HS6ST1: variants seen among roughly 807,000 people sequenced by gnomAD.
HS6ST1 encodes heparan sulfate 6-O-sulfotransferase 1.
HS6ST1 carries 3 observed loss-of-function variants against 25.2 expected under a neutral mutation model. That is an observed-to-expected ratio of 0.12 (90% CI 0.05 to 0.31). HS6ST1 has a LOEUF of 0.31. HS6ST1 is among the 10% of genes least tolerant of loss of function. HS6ST1 has a pLI of 1.00. For synonymous variants in HS6ST1, 204 were observed against 275.1 expected (o/e 0.74, Z 2.56); for missense variants, 310 against 609.6 (o/e 0.51, Z 5.18).
intron 1 of HS6ST1, among the ~76,000 whole-genome samples, chr2:128,273,100 C>T (rs1038560779): frequency 6.6e-6 from 1 of 152,234 alleles, no homozygotes; most frequent in Non-Finnish European, 1.5e-5. Flanking sequence ...TGGGGAACCA[C>T]ACCAGGGAGG....
chr2:128,303,130 C>T (rs965241676), intron 1 of HS6ST1, among the ~76,000 whole-genome samples: 5 of 152,262 alleles, frequency 3.3e-5, no homozygotes, highest in African/African-American at 4.8e-5. Context: ...GCCTGCCCCA[C>T]CCCTGATGCC....
intron 1 of HS6ST1, among the ~76,000 whole-genome samples, chr2:128,293,926 T>C (rs1373134451): frequency 1.3e-5 from 2 of 152,174 alleles, no homozygotes; most frequent in Admixed American, 6.5e-5. Context: ...CCAGTCCTGC[T>C]GAACATCCCA....
chr2:128,316,159 T>C (rs1432223292), intron 1 of HS6ST1, among the ~76,000 whole-genome samples: 1 of 152,208 alleles, frequency 6.6e-6, no homozygotes, highest in Admixed American at 6.5e-5. Flanking sequence ...CCCACTCTCA[T>C]GGACAAACTC....
chr2:128,317,476 G>T (rs919152633), intron 1 of HS6ST1, among the ~76,000 whole-genome samples: 1 of 152,214 alleles, frequency 6.6e-6, no homozygotes, highest in Non-Finnish European at 1.5e-5. Flanking sequence ...CAGGTCAACA[G>T]GGCCTTTGTT....
At chr2:128,271,878 G>A (rs946179148) in intron 1 of HS6ST1, among the ~76,000 whole-genome samples, 85 of 152,220 alleles carry the variant, frequency 5.6e-4, no homozygotes, top group Non-Finnish European at 1.1e-3. Flanking sequence ...AGCTCGAGCG[G>A]CTGCCACTAG....
chr2:128,305,094 T>G (rs1388755007), intron 1 of HS6ST1, among the ~76,000 whole-genome samples: 2 of 152,244 alleles, frequency 1.3e-5, no homozygotes, highest in African/African-American at 4.8e-5. Context: ...TTTGCTGGCC[T>G]GACCCATTGC....
intron 1 of HS6ST1, among the ~76,000 whole-genome samples, chr2:128,307,846 C>T (rs572917246): frequency 6.6e-6 from 1 of 152,268 alleles, no homozygotes; most frequent in South Asian, 2.1e-4. Context: ...ACATAGGGAC[C>T]ATGAGCGAGC....
chr2:128,311,423 C>G (rs1282935877), intron 1 of HS6ST1, among the ~76,000 whole-genome samples: 1 of 152,166 alleles, frequency 6.6e-6, no homozygotes, highest in African/African-American at 2.4e-5. Context: ...CAGTGGGGCT[C>G]CCATCTGACT....
chr2:128,287,339 C>T (rs1207561170), intron 1 of HS6ST1, among the ~76,000 whole-genome samples: 3 of 152,184 alleles, frequency 2.0e-5, no homozygotes, highest in Admixed American at 1.3e-4. Flanking sequence ...GATGCACTGC[C>T]CAGCTGTGGG....
chr2:128,309,899 C>T (rs1694262731), intron 1 of HS6ST1, among the ~76,000 whole-genome samples: 1 of 152,222 alleles, frequency 6.6e-6, no homozygotes, highest in African/African-American at 2.4e-5. Context: ...GGCCATGGCT[C>T]CCATAAGACA....
chr2:128,272,345 C>T (rs74702952), intron 1 of HS6ST1, among the ~76,000 whole-genome samples: 2,573 of 152,352 alleles, frequency 0.017, 58 homozygotes, highest in African/African-American at 0.052. Context: ...GACCTCTCCA[C>T]CTTTAAGACC....
intron 1 of HS6ST1, among the ~76,000 whole-genome samples, chr2:128,305,322 T>C (rs111562068): frequency 6.6e-6 from 1 of 152,220 alleles, no homozygotes; most frequent in Non-Finnish European, 1.5e-5. Flanking sequence ...GGCTTCCCGA[T>C]GGGCCTGCTT....
intron 1 of HS6ST1, among the ~76,000 whole-genome samples, chr2:128,308,375 A>G (rs1397819789): frequency 2.0e-5 from 3 of 152,202 alleles, no homozygotes; most frequent in Non-Finnish European, 4.4e-5. Context: ...GAACCACTGC[A>G]TCCGAGGAAC....
At chr2:128,294,004 T>G (rs1430953025) in intron 1 of HS6ST1, among the ~76,000 whole-genome samples, 1 of 152,142 alleles carries the variant, frequency 6.6e-6, no homozygotes, top group Non-Finnish European at 1.5e-5. Flanking sequence ...AGGGGCACCA[T>G]GTGGGTCCCG....
intron 1 of HS6ST1, among the ~76,000 whole-genome samples, chr2:128,311,774 C>T (rs1240232219): frequency 6.6e-6 from 1 of 152,110 alleles, no homozygotes; most frequent in Admixed American, 6.5e-5. Context: ...CCCACCTGCA[C>T]CCACACAGGC....
chr2:128,280,520 C>T (rs1464312232), intron 1 of HS6ST1, among the ~76,000 whole-genome samples: 1 of 152,236 alleles, frequency 6.6e-6, no homozygotes, highest in Non-Finnish European at 1.5e-5. Context: ...TGCCGCAGCA[C>T]CAGGCCTGGC....
At chr2:128,310,460 C>G (rs1694273446) in intron 1 of HS6ST1, among the ~76,000 whole-genome samples, 1 of 152,368 alleles carries the variant, frequency 6.6e-6, no homozygotes, top group African/African-American at 2.4e-5. Flanking sequence ...AGGCCACAAG[C>G]TGGTGGGGAC....
chr2:128,282,515 T>A (rs989954934), intron 1 of HS6ST1, among the ~76,000 whole-genome samples: 37 of 152,192 alleles, frequency 2.4e-4, no homozygotes, highest in African/African-American at 8.7e-4. Context: ...CCTGAGGAGC[T>A]GAGGGCAGCT....
chr2:128,266,411 G>A lies in HS6ST1; in HGVS notation c.*1751C>T, dbSNP rs1693514708. The A allele has an allele frequency of 6.6e-6, 1 of 152,174 alleles. No homozygotes were observed. The highest frequency in any genetic ancestry group is 2.4e-5 in the African/African-American group (1 of 41,436). 9.4% of individuals were successfully genotyped at this position (152,174 alleles called of 1,614,324 possible). On this transcript the variant is annotated 3_prime_UTR_variant, in exon 2 of 2. Coordinates refer to ENST00000259241, the MANE Select transcript of HS6ST1 (RefSeq NM_004807.3). ...CAGGGAGGTGGCCCTGCGCGGCGCT[G>A]GCACGCTGTCCACCCTGCCCTGTTG...
Sources: gnomAD v4.1 joint callset for allele counts (sites outside exome capture counted in the v4.1 genomes callset) on GRCh38, gnomAD v4.1.1 for gene constraint, MANE v1.5 for transcripts, NCBI Gene and HGNC (gene_info 2026-07-23, HGNC 2026-07-21) for gene names.